Variants in RASGRF1 observed in about 807,000 individuals in gnomAD.
The protein encoded by RASGRF1 is Ras protein specific guanine nucleotide releasing factor 1, also known as ras-specific guanine nucleotide-releasing factor 1.
A neutral mutation model predicts 138.7 loss-of-function variants in RASGRF1; 40 were observed. That is an observed-to-expected ratio of 0.29 (90% confidence interval 0.22 to 0.38). The LOEUF (loss-of-function observed/expected upper bound fraction) is 0.38, where lower values mean the gene tolerates loss of function less well. RASGRF1 is among the 10% of genes least tolerant of loss of function. The probability of loss-of-function intolerance (pLI) is 1.00; values close to 1 mark genes in which losing one functional copy is unlikely to be tolerated. For synonymous variants in RASGRF1, 614 were observed against 663.2 expected, an observed-to-expected ratio of 0.93 and a Z score of 1.14; for missense variants, 1,108 against 1,650.4, an observed-to-expected ratio of 0.67 and a Z score of 5.69.
intron 13 of RASGRF1, among the ~76,000 whole-genome samples, chr15:79,013,738 G>A (rs551226444): frequency 6.6e-6 from 1 of 152,276 alleles, no homozygotes; most frequent in Admixed American, 6.5e-5. Context: ...TGGTGAGGGG[G>A]TTAGGCGTGC....
At chr15:79,048,628 G>A (rs1167274459) in intron 4 of RASGRF1, among the ~76,000 whole-genome samples, 3 of 152,198 alleles carry the variant, frequency 2.0e-5, no homozygotes, top group African/African-American at 7.2e-5. Flanking sequence ...CAGAAATCCA[G>A]ATTTTTGTGT....
At chr15:79,062,560 A>C (rs1000424028) in intron 2 of RASGRF1, among the ~76,000 whole-genome samples, 1 of 151,876 alleles carries the variant, frequency 6.6e-6, no homozygotes, top group African/African-American at 2.4e-5. Flanking sequence ...TTTGAGACTG[A>C]GCCTTGCTCT....
At chr15:79,030,579 T>C (rs1001517926) in intron 8 of RASGRF1, among the ~76,000 whole-genome samples, 14 of 152,290 alleles carry the variant, frequency 9.2e-5, no homozygotes, top group Admixed American at 3.9e-4. Flanking sequence ...AAGTTCAACA[T>C]GCTCCCAAGA....
At chr15:79,062,996 C>T (rs2057628897) in intron 2 of RASGRF1, among the ~76,000 whole-genome samples, 2 of 152,098 alleles carry the variant, frequency 1.3e-5, no homozygotes, top group Admixed American at 1.3e-4. Flanking sequence ...ACCAATCTAA[C>T]CCATTAAGTC....
Position 79,003,841 on chromosome 15 carries a change from G to A in RASGRF1, c.2410C>T (p.Pro804Ser). ...GCTGAAGGGTCTTCGGGCTTCTCAG[G>A]GGTCGTATCGCCCTCATCTGGAATC... is the stretch of plus-strand genomic sequence containing the variant. The part of the protein sequence containing the change: ...NKIPDEGDTT[P>S]EKPEDPSALS... Residue 804 changes from proline to serine, a missense_variant, in exon 15 of 27, where the codon CCT becomes TCT. This residue lies in a region of RASGRF1 where 686 missense variants were observed against 976.7 expected (regional missense o/e 0.70). Transcript: ENST00000558480. 2 of 1,612,216 alleles carry A rather than the reference G, an allele frequency of 1.2e-6. No homozygotes were observed. The highest frequency in any genetic ancestry group is 1.1e-5 in the South Asian group (1 of 90,970).
chr15:78,975,011 A>G (rs75019189), intron 24 of RASGRF1, among the ~76,000 whole-genome samples: 6,202 of 152,322 alleles, frequency 0.041, 203 homozygotes, highest in African/African-American at 0.075. Flanking sequence ...GACACAGCAG[A>G]CAGAAGTGTT....
intron 16 of RASGRF1, 51 bp downstream of exon 16, chr15:79,001,611 C>G (rs554617503): frequency 1.3e-6 from 2 of 1,591,708 alleles, no homozygotes; most frequent in South Asian, 1.1e-5. Context: ...TGACCTACTG[C>G]CCTCTCCCAA....
Position 79,001,784 on chromosome 15 carries a change from G to C in RASGRF1, c.2453C>G (p.Ser818Ter). Residue 818 changes from serine to a stop codon, truncating the protein, a stop_gained, in exon 16 of 27, where the codon TCA becomes TGA. Transcript: ENST00000558480. LOFTEE classifies it high-confidence loss of function. ...TGACTCCTCTCTCATGGAGACTTCT[G>C]AGCCTGGGAGAAAAGAAATAAATAA... is the stretch of plus-strand genomic sequence containing the variant. ...EDPSALSKQS[S>*]EVSMREESDI... 1 of 1,437,188 alleles carries C rather than the reference G, an allele frequency of 7.0e-7. No individual in the cohort carries two copies. Among genetic ancestry groups the C allele is most frequent in the Admixed American group, 2.3e-5 (1 of 42,628 alleles). 89.0% of individuals were successfully genotyped at this position (1,437,188 alleles called of 1,614,324 possible).
At chr15:79,035,784 C>G in intron 5 of RASGRF1, among the ~76,000 whole-genome samples, 1 of 152,182 alleles carries the variant, frequency 6.6e-6, no homozygotes, top group East Asian at 1.9e-4. Flanking sequence ...AATGAGGAAT[C>G]CCCTGGAAGC....
chr15:79,032,491 C>G lies in RASGRF1; in HGVS notation c.959-175G>C, dbSNP rs772841035. On this transcript the variant is annotated intron_variant, in intron 6 of 26. Transcript: ENST00000558480. The surrounding 1 kb of genome is among the most constrained non-coding windows in gnomAD (Gnocchi z 4.5). ...TCCAGTACCACTGCCCTATCCAGTG[C>G]TAGTAGGTGGGCCCCCATCATTGGG... Among the ~76,000 whole-genome samples, 5 of 152,160 alleles carry G rather than the reference C, an allele frequency of 3.3e-5. No individual in the cohort carries two copies. The highest frequency in any genetic ancestry group is 1.5e-5 in the Non-Finnish European group (1 of 68,020).
At position 78,984,990 on chromosome 15, in the gene RASGRF1, CAG is replaced by C. The variant is rs753789604; in HGVS notation, c.3414+15_3414+16del. 6.2e-7 allele frequency: 1 copy of C among 1,611,850 alleles called. No homozygotes were observed. The highest frequency in any genetic ancestry group is 1.1e-5 in the South Asian group (1 of 90,982). On this transcript the variant is annotated intron_variant, in intron 23 of 26. Coordinates refer to ENST00000558480, the MANE Select transcript of RASGRF1 (RefSeq NM_001145648.3). The stretch of plus-strand genomic sequence containing the variant: ...TCCAGCCCCAGGGAGGCAGTGGTGC[CAG>C]CCTCCTGCCCGCACCTGCTTAGAGA...
rs992632207 is a variant in RASGRF1, at chr15:79,065,914, G to T, written c.277-1388C>A. ...CAGCCGGGTGTATGTGAAGTGGGGGGCGGGGGGAATGAGTATGGCAGGAGA... is the reference window on the plus strand; with the variant it reads ...CAGCCGGGTGTATGTGAAGTGGGGGTCGGGGGGAATGAGTATGGCAGGAGA... On this transcript the variant is annotated intron_variant, in intron 1 of 26. Transcript: ENST00000558480. Among the ~76,000 whole-genome samples, 5 of 151,502 alleles carry T rather than the reference G, an allele frequency of 3.3e-5. No individual in the cohort carries two copies. In the East Asian group the frequency reaches 5.8e-4, roughly 18 times the overall value.
rs368604970 is a variant in RASGRF1, at chr15:78,973,220, G to A, written c.3612+83C>T. 8.6e-7 allele frequency: 1 copy of A among 1,165,024 alleles called. No homozygotes were observed. The highest frequency in any genetic ancestry group is 1.2e-6 in the Non-Finnish European group (1 of 814,540). 72.2% of individuals were successfully genotyped at this position (1,165,024 alleles called of 1,614,324 possible). On this transcript the variant is annotated intron_variant, in intron 25 of 26. Coordinates refer to ENST00000558480, the MANE Select transcript of RASGRF1 (RefSeq NM_001145648.3). The surrounding 1 kb of genome is among the most constrained non-coding windows in gnomAD (Gnocchi z 4.9). ...ACCCTATGCAGCAGGTTGGGCCTTGGGGGGCAGAGTGTGGGTGGGCCCCAG... is the reference window on the plus strand; with the variant it reads ...ACCCTATGCAGCAGGTTGGGCCTTGAGGGGCAGAGTGTGGGTGGGCCCCAG...
chr15:79,070,864 T>C (rs934945233), intron 1 of RASGRF1, among the ~76,000 whole-genome samples: 2 of 152,220 alleles, frequency 1.3e-5, no homozygotes. Flanking sequence ...TAGGCCCTAC[T>C]CCATTTTAGA....
intron 5 of RASGRF1, among the ~76,000 whole-genome samples, chr15:79,040,696 A>AAATTTTTGTTTTGGT (rs1168900809): frequency 6.6e-6 from 1 of 152,024 alleles, no homozygotes; most frequent in African/African-American, 2.4e-5. Flanking sequence ...TGCTATTTTT[A>AAATTTTTGTTTTGGT]AAATCAAGTT....
intron 11 of RASGRF1, 30 bp from the exon 12 acceptor site, chr15:79,017,936 C>T (rs1350856856): frequency 6.2e-7 from 1 of 1,610,398 alleles, no homozygotes; most frequent in Admixed American, 1.7e-5. Context: ...AAGTTAGCAG[C>T]ATGAATGTGG....
intron 5 of RASGRF1, among the ~76,000 whole-genome samples, chr15:79,039,386 A>T: frequency 6.8e-6 from 1 of 146,728 alleles, no homozygotes; most frequent in East Asian, 2.1e-4. Context: ...TTGATCTTGG[A>T]TTAGTCTTAG....
intron 3 of RASGRF1, 63 bp downstream of exon 3, chr15:79,058,271 C>T: frequency 6.4e-7 from 1 of 1,565,360 alleles, no homozygotes; most frequent in Non-Finnish European, 8.7e-7. Flanking sequence ...CCCAATCCTG[C>T]AGGAGCCCAG....
At position 79,004,244 on chromosome 15, in the gene RASGRF1, G is replaced by A. The variant is rs867836367; in HGVS notation, c.2076-69C>T. ...GCCTGCCCGCCTAGGCCTGGGGGCC[G>A]TCTCCGGTGGGGCTCGGAGTGGCAG... On this transcript the variant is annotated intron_variant, in intron 14 of 26. Transcript: ENST00000558480. 4.4e-5 allele frequency: 66 copies of A among 1,491,310 alleles called. 1 individual carries two copies. In the East Asian group the frequency reaches 6.4e-4, roughly 14 times the overall value. The allele number at this position is 1,491,310 out of a possible 1,614,324, so 92.4% of individuals were successfully genotyped here. A position where few individuals can be genotyped will look rare whatever the true frequency, so the allele number is the denominator to read the frequency against.
Sources: allele counts gnomAD v4.1 joint callset (sites outside exome capture counted in the v4.1 genomes callset), GRCh38; gene constraint gnomAD v4.1.1; regional missense constraint gnomAD v4.1.1; non-coding constraint Gnocchi (gnomAD v3.1); transcripts MANE v1.5; gene names NCBI Gene and HGNC (gene_info 2026-07-23, HGNC 2026-07-21).